ZC3H12B: variants seen among roughly 807,000 people sequenced by gnomAD.
ZC3H12B encodes the protein probable ribonuclease ZC3H12B.
ZC3H12B carries 7 observed loss-of-function variants against 43.9 expected under a neutral mutation model. The observed-to-expected ratio is 0.16, with a 90% CI of 0.09 to 0.30. ZC3H12B has a LOEUF of 0.30. Among genes scored for constraint, ZC3H12B ranks in the 10% least tolerant of loss-of-function variants. The pLI is 1.00. For synonymous variants in ZC3H12B, 222 were observed against 241.7 expected, an observed-to-expected ratio of 0.92 and a Z score of 0.76; for missense variants, 475 against 670.2, an observed-to-expected ratio of 0.71 and a Z score of 3.22.
At chrX:65,461,360 A>C (rs7878931) in intron 3 of ZC3H12B, among the ~76,000 whole-genome samples, 26,810 of 111,727 alleles carry the variant, frequency 0.24, 7,684 homozygotes, top group African/African-American at 0.83. Context: ...TGGGTATATA[A>C]CCAAAGGATT....
the ZC3H12B span, among the ~76,000 whole-genome samples, chrX:65,219,732 G>T: frequency 7.4e-5 from 8 of 107,735 alleles, no homozygotes; most frequent in Non-Finnish European, 7.7e-5. Context: ...TGTATTTGAG[G>T]AAATAATAAA....
chrX:65,351,088 G>A, the ZC3H12B span, among the ~76,000 whole-genome samples: 2 of 111,927 alleles, frequency 1.8e-5, no homozygotes, highest in East Asian at 2.8e-4. Context: ...CAAAGCTACT[G>A]TAACCAAATA....
intron 3 of ZC3H12B, among the ~76,000 whole-genome samples, chrX:65,400,698 A>G (rs1466376744): frequency 8.9e-6 from 1 of 111,921 alleles, no homozygotes; most frequent in Non-Finnish European, 1.9e-5. Flanking sequence ...GTCCACAGTC[A>G]TTTTATTCCT....
At chrX:65,215,399 C>T in the ZC3H12B span, among the ~76,000 whole-genome samples, 1 of 111,577 alleles carries the variant, frequency 9.0e-6, no homozygotes, top group Non-Finnish European at 1.9e-5. Flanking sequence ...CTTGCAGCTT[C>T]TCCATTAGCA....
At chrX:65,212,783 A>G in the ZC3H12B span, among the ~76,000 whole-genome samples, 3 of 101,164 alleles carry the variant, frequency 3.0e-5, no homozygotes, top group African/African-American at 1.1e-4. Flanking sequence ...TAGTTAGACT[A>G]TTAGCTCTAT....
At chrX:65,390,250 C>T (rs1006742432) in intron 2 of ZC3H12B, among the ~76,000 whole-genome samples, 2 of 108,950 alleles carry the variant, frequency 1.8e-5, no homozygotes, top group Admixed American at 9.9e-5. Flanking sequence ...CACACTGGGG[C>T]TGTCATAGGG....
intron 3 of ZC3H12B, among the ~76,000 whole-genome samples, chrX:65,428,264 C>T (rs2067108671): frequency 9.0e-6 from 1 of 111,544 alleles, no homozygotes; most frequent in African/African-American, 3.3e-5. Context: ...TGTGGAGTAT[C>T]TTACTGAGGT....
intron 2 of ZC3H12B, among the ~76,000 whole-genome samples, chrX:65,384,212 C>A (rs1225284845): frequency 9.8e-6 from 1 of 102,518 alleles, no homozygotes; most frequent in African/African-American, 3.5e-5. Flanking sequence ...AGTTCATGTC[C>A]TTTGTAGGGA....
At chrX:65,191,479 C>T in the ZC3H12B span, among the ~76,000 whole-genome samples, 5 of 102,445 alleles carry the variant, frequency 4.9e-5, no homozygotes, top group Non-Finnish European at 9.6e-5. Flanking sequence ...ATTTCAGCTC[C>T]TGTTATTGGT....
At chrX:65,077,060 C>A in the ZC3H12B span, among the ~76,000 whole-genome samples, 1 of 111,514 alleles carries the variant, frequency 9.0e-6, no homozygotes, top group South Asian at 3.7e-4. Flanking sequence ...AAGTAATGAT[C>A]CTGTTTAGGT....
chrX:65,159,729 CT>C, the ZC3H12B span, among the ~76,000 whole-genome samples: 1 of 112,003 alleles, frequency 8.9e-6, no homozygotes, highest in South Asian at 3.7e-4. Flanking sequence ...TTGACTCCCT[CT>C]TTTCCTAATT....
At chrX:65,119,045 A>G in the ZC3H12B span, among the ~76,000 whole-genome samples, 16 of 110,667 alleles carry the variant, frequency 1.4e-4, no homozygotes, top group South Asian at 5.0e-3. Flanking sequence ...AATCCAATCT[A>G]TCATTGTTGG....
the ZC3H12B span, among the ~76,000 whole-genome samples, chrX:65,078,645 G>A: frequency 8.9e-6 from 1 of 111,792 alleles, no homozygotes; most frequent in Admixed American, 9.5e-5. Flanking sequence ...TGAAATCAAA[G>A]ATTGATTGAA....
At chrX:65,460,394 T>A (rs775968801) in intron 3 of ZC3H12B, among the ~76,000 whole-genome samples, 3 of 112,140 alleles carry the variant, frequency 2.7e-5, no homozygotes, top group Admixed American at 9.5e-5. Flanking sequence ...ACAGCCTGCA[T>A]TGCCAAGTGA....
At chrX:65,055,639 T>A in the ZC3H12B span, among the ~76,000 whole-genome samples, 1 of 111,973 alleles carries the variant, frequency 8.9e-6, no homozygotes, top group Non-Finnish European at 1.9e-5. Flanking sequence ...TTTCTATTGA[T>A]TGGAATAGTT....
intron 3 of ZC3H12B, among the ~76,000 whole-genome samples, chrX:65,401,046 C>T: frequency 9.2e-6 from 1 of 108,379 alleles, no homozygotes; most frequent in Non-Finnish European, 1.9e-5. Flanking sequence ...CAATTGTCAC[C>T]CTCGCAAGGA....
At chrX:65,215,144 T>A in the ZC3H12B span, among the ~76,000 whole-genome samples, 1 of 112,088 alleles carries the variant, frequency 8.9e-6, no homozygotes, top group African/African-American at 3.2e-5. Context: ...TGGAGTAAAT[T>A]TGGCATAATT....
At chrX:65,249,432 C>T in the ZC3H12B span, among the ~76,000 whole-genome samples, 1 of 112,139 alleles carries the variant, frequency 8.9e-6, no homozygotes, top group Non-Finnish European at 1.9e-5. Flanking sequence ...TACTTTTATA[C>T]CAGTAACATG....
the ZC3H12B span, among the ~76,000 whole-genome samples, chrX:65,161,629 A>G: frequency 0.083 from 9,203 of 111,217 alleles, 1,028 homozygotes; most frequent in African/African-American, 0.29. Context: ...CTCTTCCTGC[A>G]TCCTTTTATT....
Sources: allele counts gnomAD v4.1 joint callset (sites outside exome capture counted in the v4.1 genomes callset), GRCh38; gene constraint gnomAD v4.1.1; transcripts MANE v1.5; gene names NCBI Gene and HGNC (gene_info 2026-07-23, HGNC 2026-07-21).